The following SLC8A1 variants were observed in gnomAD, a reference collection of about 807,000 sequenced individuals.
SLC8A1 encodes sodium/calcium exchanger 1.
Under a neutral mutation model 68.3 loss-of-function variants are expected in SLC8A1, and 18 were observed. That is an observed-to-expected ratio of 0.26 (90% confidence interval 0.18 to 0.39). SLC8A1 has a LOEUF of 0.39. Ranked by LOEUF, SLC8A1 falls within the 10% of genes least tolerant of loss-of-function variation. SLC8A1 has a pLI of 1.00. For synonymous variants in SLC8A1, 475 were observed against 415.5 expected, an observed-to-expected ratio of 1.14 and a Z score of -1.74; for missense variants, 985 against 1,156.7, an observed-to-expected ratio of 0.85 and a Z score of 2.15.
chr2:40,349,019 C>G (rs975377046), intron 2 of SLC8A1, among the ~76,000 whole-genome samples: 3 of 152,096 alleles, frequency 2.0e-5, no homozygotes, highest in African/African-American at 7.2e-5. Flanking sequence ...TCTTCTTCTC[C>G]CACAAAATAC....
At chr2:40,232,831 G>A (rs1315611084) in intron 2 of SLC8A1, among the ~76,000 whole-genome samples, 1 of 135,810 alleles carries the variant, frequency 7.4e-6, no homozygotes, top group Admixed American at 8.2e-5. Context: ...TCCCACCTAT[G>A]AGTGAGAATA....
chr2:40,252,518 G>C (rs148683726), intron 2 of SLC8A1, among the ~76,000 whole-genome samples: 1 of 152,048 alleles, frequency 6.6e-6, no homozygotes, highest in Non-Finnish European at 1.5e-5. Context: ...GCCTTTAGTA[G>C]AGACAGGGTT....
intron 1 of SLC8A1, among the ~76,000 whole-genome samples, chr2:40,506,785 A>G (rs1231421229): frequency 6.6e-6 from 1 of 151,946 alleles, no homozygotes; most frequent in African/African-American, 2.4e-5. Context: ...TGATAGCAAA[A>G]TCATCTCTGG....
chr2:40,426,616 A>G (rs1301083014), intron 2 of SLC8A1, among the ~76,000 whole-genome samples: 1 of 152,090 alleles, frequency 6.6e-6, no homozygotes, highest in Admixed American at 6.6e-5. Context: ...CAGATAAACC[A>G]GTATAGAGTC....
At chr2:40,117,901 G>A (rs948648672) in intron 7 of SLC8A1, among the ~76,000 whole-genome samples, 1 of 152,180 alleles carries the variant, frequency 6.6e-6, no homozygotes, top group African/African-American at 2.4e-5. Flanking sequence ...GGATAAGAAG[G>A]CTTTTTAGGC....
At chr2:40,245,478 G>A (rs2061745828) in intron 2 of SLC8A1, among the ~76,000 whole-genome samples, 1 of 152,106 alleles carries the variant, frequency 6.6e-6, no homozygotes, top group South Asian at 2.1e-4. Context: ...GTGCATGGGA[G>A]GACAACATAG....
chr2:40,496,939 G>T (rs879348497), intron 1 of SLC8A1, among the ~76,000 whole-genome samples: 9 of 117,534 alleles, frequency 7.7e-5, no homozygotes, highest in Non-Finnish European at 1.4e-4. Context: ...TGGGGGGAGG[G>T]GGGAGGGATA....
chr2:40,148,354 G>C (rs957208465), intron 6 of SLC8A1, among the ~76,000 whole-genome samples: 1 of 152,188 alleles, frequency 6.6e-6, no homozygotes, highest in Non-Finnish European at 1.5e-5. Context: ...GCAGCAAATG[G>C]AAAGGACGCT....
intron 1 of SLC8A1, among the ~76,000 whole-genome samples, chr2:40,436,625 G>A (rs772749813): frequency 2.0e-5 from 3 of 152,072 alleles, no homozygotes; most frequent in Admixed American, 6.6e-5. Flanking sequence ...ACTCAAGGAA[G>A]TACATCTTCC....
At chr2:40,372,010 CA>C (rs374127336) in intron 2 of SLC8A1, among the ~76,000 whole-genome samples, 6 of 152,162 alleles carry the variant, frequency 3.9e-5, no homozygotes, top group African/African-American at 1.4e-4. Context: ...CTCTTTGGAG[CA>C]AATGAAATGC....
At chr2:40,493,100 G>A (rs148538132) in intron 1 of SLC8A1, among the ~76,000 whole-genome samples, 3,626 of 152,190 alleles carry the variant, frequency 0.024, 136 homozygotes, top group Admixed American at 0.098. Context: ...CAATCCAAAT[G>A]TCCAACAATA....
intron 2 of SLC8A1, among the ~76,000 whole-genome samples, chr2:40,217,746 G>C (rs1041948463): frequency 2.6e-5 from 4 of 152,162 alleles, no homozygotes; most frequent in African/African-American, 9.7e-5. Context: ...GAAACCAGTA[G>C]TTTGAAGATT....
At chr2:40,157,593 C>T (rs452369) in intron 6 of SLC8A1, among the ~76,000 whole-genome samples, 19,866 of 152,220 alleles carry the variant, frequency 0.13, 1,423 homozygotes, top group Admixed American at 0.19. Flanking sequence ...AGCTGGCACA[C>T]GATTTTTTAG....
chr2:40,106,896 T>G (rs2034233252), exon 8 of SLC8A1: 1 of 152,212 alleles, frequency 6.6e-6, no homozygotes, highest in Non-Finnish European at 1.5e-5. Context: ...TTGACATTAC[T>G]GCCCCTTCTG....
chr2:40,228,353 A>T (rs1213369614), intron 2 of SLC8A1, among the ~76,000 whole-genome samples: 2 of 152,212 alleles, frequency 1.3e-5, no homozygotes, highest in Admixed American at 1.3e-4. Flanking sequence ...GTATAGATAG[A>T]TTTAGTCTTC....
At chr2:40,420,612 G>T (rs544810381) in intron 2 of SLC8A1, among the ~76,000 whole-genome samples, 1 of 152,286 alleles carries the variant, frequency 6.6e-6, no homozygotes, top group Admixed American at 6.5e-5. Flanking sequence ...GCATTCCCTT[G>T]CCTCTCAAAC....
intron 2 of SLC8A1, among the ~76,000 whole-genome samples, chr2:40,379,644 C>CT (rs34939348): frequency 1.0e-3 from 147 of 146,556 alleles, no homozygotes; most frequent in Middle Eastern, 3.5e-3. Flanking sequence ...ATGATTTTGC[C>CT]TTTTTTTTTT....
At chr2:40,431,162 G>T (rs1698198351) in intron 1 of SLC8A1, among the ~76,000 whole-genome samples, 1 of 151,942 alleles carries the variant, frequency 6.6e-6, no homozygotes, top group Non-Finnish European at 1.5e-5. Flanking sequence ...CTGCAGGCTG[G>T]AAAGGGAGAT....
At chr2:40,463,897 T>TAC (rs796638875) in intron 1 of SLC8A1, among the ~76,000 whole-genome samples, 1 of 143,796 alleles carries the variant, frequency 7.0e-6, no homozygotes, top group Non-Finnish European at 1.5e-5. Context: ...CATATATATA[T>TAC]AGAGAGAGAG....
Sources: gnomAD v4.1 joint callset for allele counts (sites outside exome capture counted in the v4.1 genomes callset) on GRCh38, gnomAD v4.1.1 for gene constraint, MANE v1.5 for transcripts, NCBI Gene and HGNC (gene_info 2026-07-23, HGNC 2026-07-21) for gene names.